The following PRKAR1B variants were observed in gnomAD, a reference collection of about 807,000 sequenced individuals.
PRKAR1B encodes protein kinase cAMP-dependent type I regulatory subunit beta.
In PRKAR1B, 22 loss-of-function variants were observed where a neutral mutation model predicts 46.5. The observed-to-expected ratio is 0.47, with a 90% CI of 0.34 to 0.68. The LOEUF is 0.68. Ranked by LOEUF, PRKAR1B falls within the 30% of genes least tolerant of loss-of-function variation. The pLI, the probability that PRKAR1B is intolerant of heterozygous loss-of-function variation, is 0.01. For synonymous variants in PRKAR1B, 259 were observed against 217.7 expected, an observed-to-expected ratio of 1.19 and a Z score of -1.67; for missense variants, 445 against 535.6, an observed-to-expected ratio of 0.83 and a Z score of 1.67.
rs754143077 is a variant in PRKAR1B at position 580,744 on chromosome 7, C to CAA, written c.770-1369_770-1368dup. ...ACCTGATTAACGATTTCTTTTTTGACAAAAAAAAAAAAAAAAAAACAAACG... is the reference window on the plus strand; with the variant it reads ...ACCTGATTAACGATTTCTTTTTTGACAAAAAAAAAAAAAAAAAAAAACAAACG... On this transcript the variant is annotated intron_variant, in intron 8 of 10. Transcript: ENST00000537384. Among the ~76,000 whole-genome samples the CAA allele has an allele frequency of 5.8e-4, 68 of 117,332 alleles. 1 individual carries two copies. The highest frequency in any genetic ancestry group is 7.5e-4 in the Non-Finnish European group (41 of 54,792). 77.0% of individuals were successfully genotyped at this position (117,332 alleles called of 152,430 possible). A position where few individuals can be genotyped will look rare whatever the true frequency, so the allele number is the denominator to read the frequency against.
At chr7:641,367 G>A (rs1171349804) in intron 4 of PRKAR1B, among the ~76,000 whole-genome samples, 4 of 152,208 alleles carry the variant, frequency 2.6e-5, no homozygotes, top group Admixed American at 2.0e-4. Flanking sequence ...TGTTCACGCC[G>A]TATTGTTCAT....
At chr7:600,609 G>A (rs1203493084) in intron 6 of PRKAR1B, among the ~76,000 whole-genome samples, 3 of 151,484 alleles carry the variant, frequency 2.0e-5, no homozygotes, top group Non-Finnish European at 4.4e-5. Context: ...GCTGCCTGGC[G>A]GTGCTCCCCA....
At chr7:631,315 GTGGACAGCGGCCC>G (rs1459697288) in intron 4 of PRKAR1B, among the ~76,000 whole-genome samples, 2 of 152,232 alleles carry the variant, frequency 1.3e-5, no homozygotes, top group African/African-American at 4.8e-5. Flanking sequence ...GTGGCCAGGT[GTGGACAGCGGCCC>G]ACCTCTCGCC....
intron 3 of PRKAR1B, among the ~76,000 whole-genome samples, chr7:679,232 C>T (rs1778519128): frequency 1.3e-5 from 2 of 152,232 alleles, no homozygotes; most frequent in East Asian, 1.9e-4. Flanking sequence ...GAAGCCATGT[C>T]GATACATGAC....
At chr7:689,208 G>A (rs1388102965) in intron 2 of PRKAR1B, among the ~76,000 whole-genome samples, 2 of 151,636 alleles carry the variant, frequency 1.3e-5, no homozygotes, top group African/African-American at 4.8e-5. Flanking sequence ...CTCTGCCTCT[G>A]CCTCCCAGGT....
intron 3 of PRKAR1B, among the ~76,000 whole-genome samples, chr7:679,013 G>A (rs1448853866): frequency 6.6e-6 from 1 of 152,228 alleles, no homozygotes; most frequent in Non-Finnish European, 1.5e-5. Context: ...ACAGGAACCT[G>A]GGAGGCAGAG....
chr7:583,478 C>G lies in PRKAR1B; in HGVS notation c.769+1030G>C, dbSNP rs367806493. Among the ~76,000 whole-genome samples, 34 of 121,694 alleles carry G rather than the reference C, an allele frequency of 2.8e-4. 1 individual carries two copies. The highest frequency in any genetic ancestry group is 1.0e-3 in the African/African-American group (33 of 32,580). 79.8% of individuals were successfully genotyped at this position (121,694 alleles called of 152,430 possible). ...CCACTCACACACGTGCACTCACACCCACGCACACACGTGTGTGCACACCCA... is the reference window on the plus strand; with the variant it reads ...CCACTCACACACGTGCACTCACACCGACGCACACACGTGTGTGCACACCCA... On this transcript the variant is annotated intron_variant, in intron 8 of 10. Transcript: ENST00000537384.
At chr7:604,672 GGGGA>G (rs1221712753) in intron 6 of PRKAR1B, among the ~76,000 whole-genome samples, 1 of 152,208 alleles carries the variant, frequency 6.6e-6, no homozygotes, top group East Asian at 1.9e-4. Flanking sequence ...CAGCGCGATG[GGGGA>G]CAGACTCCGC....
At chr7:709,257 C>T (rs900834440) in intron 2 of PRKAR1B, among the ~76,000 whole-genome samples, 1 of 150,814 alleles carries the variant, frequency 6.6e-6, no homozygotes, top group Non-Finnish European at 1.5e-5. Flanking sequence ...ATACAAAATA[C>T]GAATTGCATC....
At chr7:665,047 G>C (rs925067880) in intron 4 of PRKAR1B, among the ~76,000 whole-genome samples, 1 of 152,116 alleles carries the variant, frequency 6.6e-6, no homozygotes, top group Non-Finnish European at 1.5e-5. Flanking sequence ...ATCAGACAAA[G>C]CAAGAGGGCT....
intron 4 of PRKAR1B, among the ~76,000 whole-genome samples, chr7:622,318 G>A (rs1181474042): frequency 6.6e-6 from 1 of 152,218 alleles, no homozygotes; most frequent in Non-Finnish European, 1.5e-5. Flanking sequence ...GTGGCAGCAA[G>A]GACCCCCGCG....
intron 4 of PRKAR1B, among the ~76,000 whole-genome samples, chr7:613,920 G>A (rs568107689): frequency 5.9e-5 from 9 of 152,370 alleles, no homozygotes; most frequent in African/African-American, 1.7e-4. Flanking sequence ...GGAGCCAAGA[G>A]GGTGCAGTGC....
chr7:580,081 A>G (rs1780083333), intron 8 of PRKAR1B, among the ~76,000 whole-genome samples: 1 of 152,098 alleles, frequency 6.6e-6, no homozygotes, highest in Non-Finnish European at 1.5e-5. Context: ...AAATTAAAAA[A>G]TTAGCCAGGC....
intron 4 of PRKAR1B, among the ~76,000 whole-genome samples, chr7:623,718 A>C (rs1783231821): frequency 6.6e-6 from 1 of 152,240 alleles, no homozygotes; most frequent in African/African-American, 2.4e-5. Context: ...CCTCCACCGC[A>C]AGACCCCATT....
rs74907456 is a variant in PRKAR1B, at chr7:694,384, C to T, written c.178-13658G>A. Among the ~76,000 whole-genome samples, 10 of 142,700 alleles carry T rather than the reference C, an allele frequency of 7.0e-5. No individual in the cohort carries two copies. The East Asian group carries it at 9.7e-4, about 14-fold the overall frequency. 93.6% of individuals were successfully genotyped at this position (142,700 alleles called of 152,430 possible). ...GACACAAGCTCCAGGGTTTAGACCC[C>T]GGACCAAGACATCAGGTCTCGTCTG... is the stretch of plus-strand genomic sequence containing the variant. On this transcript the variant is annotated intron_variant, in intron 2 of 10. Transcript: ENST00000537384.
chr7:601,929 C>T (rs577318757), intron 6 of PRKAR1B, among the ~76,000 whole-genome samples: 57 of 83,588 alleles, frequency 6.8e-4, no homozygotes, highest in African/African-American at 2.2e-3. Context: ...GGCGCAGGGA[C>T]GGGCAGGGGG....
chr7:667,467 G>A lies in PRKAR1B; in HGVS notation c.440+9762C>T, dbSNP rs998643739. 9.9e-5 allele frequency among the ~76,000 whole-genome samples: 15 copies of A among 152,172 alleles called. No individual in the cohort carries two copies. The highest frequency in any genetic ancestry group is 3.6e-4 in the African/African-American group (15 of 41,440). On this transcript the variant is annotated intron_variant, in intron 4 of 10. Coordinates refer to ENST00000537384, the MANE Select transcript of PRKAR1B (RefSeq NM_001164760.2). The surrounding 1 kb of genome is among the most constrained non-coding windows in gnomAD (Gnocchi z 4.3). ...TTGTGTGTGCATGACTGTGTGCATA[G>A]GCGTGCCTGGGAATAAGACCACTCC...
chr7:671,005 C>T (rs1247695331), intron 4 of PRKAR1B, among the ~76,000 whole-genome samples: 1 of 152,194 alleles, frequency 6.6e-6, no homozygotes, highest in Non-Finnish European at 1.5e-5. Context: ...TCTCAGTGAC[C>T]CCAGGCTCAT....
intron 2 of PRKAR1B, among the ~76,000 whole-genome samples, chr7:707,271 A>T (rs1780378783): frequency 6.6e-6 from 1 of 152,212 alleles, no homozygotes; most frequent in African/African-American, 2.4e-5. Flanking sequence ...TACTGCAGAA[A>T]ACAAACAAAA....
Sources: allele counts gnomAD v4.1 joint callset (sites outside exome capture counted in the v4.1 genomes callset), GRCh38; gene constraint gnomAD v4.1.1; non-coding constraint Gnocchi (gnomAD v3.1); transcripts MANE v1.5; gene names NCBI Gene and HGNC (gene_info 2026-07-23, HGNC 2026-07-21).